RMND5A: variants seen among roughly 807,000 people sequenced by gnomAD.
RMND5A encodes the protein E3 ubiquitin-protein transferase RMND5A.
In RMND5A, 17 loss-of-function variants were observed where a neutral mutation model predicts 49.7. That is an observed-to-expected ratio of 0.34 (90% CI 0.23 to 0.51). RMND5A has a LOEUF of 0.51. RMND5A is among the 20% of genes least tolerant of loss of function. The pLI is 0.96. For missense variants in RMND5A, 255 were observed against 471.3 expected (o/e 0.54, Z 4.25); for synonymous variants, 156 against 167.7 (o/e 0.93, Z 0.54).
Position 86,765,108 on chromosome 2 carries a change from C to T in RMND5A, c.603C>T (p.Ser201=), listed in dbSNP as rs768155812. The change falls in exon 5 of 9, where the codon AGC becomes AGT. Residue 201 remains serine, a synonymous_variant. Coordinates refer to ENST00000283632, the MANE Select transcript of RMND5A (RefSeq NM_022780.4). ...EFKLHRLYFI[S]LLMGGTTNQR... Reference sequence around the variant, plus strand: ...AGCTACACAGACTGTATTTTATTAGCTTGTTAATGGGTGGAACCACAAATC... The same window carrying T: ...AGCTACACAGACTGTATTTTATTAGTTTGTTAATGGGTGGAACCACAAATC... The T allele has an allele frequency of 5.0e-6, 8 of 1,613,954 alleles. No individual in the cohort carries two copies. In the East Asian group the frequency reaches 1.6e-4, roughly 31 times the overall value.
At chr2:86,753,068 G>A (rs1356711239) in intron 3 of RMND5A, among the ~76,000 whole-genome samples, 1 of 152,172 alleles carries the variant, frequency 6.6e-6, no homozygotes, top group Admixed American at 6.5e-5. Flanking sequence ...GCTCTGCATT[G>A]TGAAACTCTT....
intron 8 of RMND5A, 110 bp downstream of exon 8, chr2:86,771,822 A>G: frequency 1.1e-6 from 1 of 873,444 alleles, no homozygotes; most frequent in Non-Finnish European, 1.7e-6. Flanking sequence ...TTAGAACTAA[A>G]TAAATTTCTT....
rs1672742474 is a variant in RMND5A, at chr2:86,774,984, G to C, written c.*1573G>C. 1 of 152,672 alleles carries C rather than the reference G, an allele frequency of 6.5e-6. No individual in the cohort carries two copies. Among genetic ancestry groups the C allele is most frequent in the African/African-American group, 2.4e-5 (1 of 41,454 alleles). The allele number at this position is 152,672 out of a possible 1,614,324, so 9.5% of individuals were successfully genotyped here. Reference sequence around the variant, plus strand: ...AGAAAGAGTACTGTGGAAAACCTCTGCTTGAGTACCATGTGGCCAGGCCTA... The same window carrying C: ...AGAAAGAGTACTGTGGAAAACCTCTCCTTGAGTACCATGTGGCCAGGCCTA... On this transcript the variant is annotated 3_prime_UTR_variant, in exon 9 of 9. Coordinates refer to ENST00000283632, the MANE Select transcript of RMND5A (RefSeq NM_022780.4).
chr2:86,760,050 T>C (rs1293333923), intron 4 of RMND5A, among the ~76,000 whole-genome samples: 2 of 152,020 alleles, frequency 1.3e-5, no homozygotes, highest in South Asian at 4.2e-4. Flanking sequence ...CTGTTTGTAT[T>C]CTTTTTTTTT....
intron 4 of RMND5A, among the ~76,000 whole-genome samples, chr2:86,761,250 A>G (rs1672483484): frequency 6.6e-6 from 1 of 152,214 alleles, no homozygotes; most frequent in Admixed American, 6.5e-5. Flanking sequence ...CACAGAAGGC[A>G]ACTCTTGATA....
intron 2 of RMND5A, 55 bp from the exon 3 acceptor site, chr2:86,751,841 T>TAC: frequency 6.4e-7 from 1 of 1,556,870 alleles, no homozygotes; most frequent in Non-Finnish European, 8.8e-7. Context: ...TTTTTTCCTG[T>TAC]TAAGTGGGGT....
At chr2:86,770,303 C>G (rs1368977877) in intron 7 of RMND5A, among the ~76,000 whole-genome samples, 178 bp downstream of exon 7, 3 of 151,986 alleles carry the variant, frequency 2.0e-5, no homozygotes, top group African/African-American at 7.3e-5. Context: ...TTTGGGGACC[C>G]TGGAGGAGGA....
chr2:86,753,558 A>C lies in RMND5A; in HGVS notation c.521A>C (p.Glu174Ala). The C allele has an allele frequency of 6.5e-7, 1 of 1,535,630 alleles. No individual in the cohort carries two copies. Among genetic ancestry groups the C allele is most frequent in the Non-Finnish European group, 9.0e-7 (1 of 1,115,136 alleles). Residue 174 changes from glutamate (E) to alanine (A), a missense_variant and splice_region_variant, in exon 4 of 9, where the codon GAG becomes GCG. Around this residue, in one of 3 missense-constraint regions of RMND5A, gnomAD observed 208 missense variants for 339.8 expected, o/e 0.61. Coordinates refer to ENST00000283632, the MANE Select transcript of RMND5A (RefSeq NM_022780.4). ...LKVRVLRPAL[E>A]WAVSNREMLI... ...GTCAGAGTTCTGAGACCTGCTCTGG[A>C]GTGAGTATTGAGTTTGCTTTCTTTT...
intron 7 of RMND5A, 176 bp from the exon 8 acceptor site, chr2:86,771,381 TA>T: frequency 2.0e-6 from 1 of 500,214 alleles, no homozygotes; most frequent in Non-Finnish European, 3.4e-6. Context: ...TCTTGAAGGC[TA>T]ATTTAACACT....
chr2:86,760,061 T>C (rs1049253248), intron 4 of RMND5A, among the ~76,000 whole-genome samples: 3 of 152,046 alleles, frequency 2.0e-5, no homozygotes. Flanking sequence ...CTTTTTTTTT[T>C]GAGACGGAGT....
Position 86,771,489 on chromosome 2 carries a change from A to G in RMND5A, c.958-69A>G, listed in dbSNP as rs115109026. 1,028 of 1,399,754 alleles carry G rather than the reference A, an allele frequency of 7.3e-4. 13 individuals carry two copies. In the African/African-American group the frequency reaches 0.014, roughly 19 times the overall value. 86.7% of individuals were successfully genotyped at this position (1,399,754 alleles called of 1,614,324 possible). A position where few individuals can be genotyped will look rare whatever the true frequency, so the allele number is the denominator to read the frequency against. ...ATCAATGTTCTTTGCTGCACAGTGT[A>G]TATTACCATGTGGATGGTTTTGTGA... On this transcript the variant is annotated intron_variant, in intron 7 of 8. Transcript: ENST00000283632.
chr2:86,753,384 A>G, intron 3 of RMND5A, 74 bp from the exon 4 acceptor site: 1 of 848,386 alleles, frequency 1.2e-6, no homozygotes, highest in Middle Eastern at 2.3e-4. Context: ...TTTACAATCT[A>G]GAATATACTT....
intron 2 of RMND5A, among the ~76,000 whole-genome samples, chr2:86,745,035 T>C (rs1681514619): frequency 6.6e-6 from 1 of 151,832 alleles, no homozygotes; most frequent in Non-Finnish European, 1.5e-5. Flanking sequence ...AAAAATAATG[T>C]ATTTGGGCTG....
chr2:86,776,757 T>G lies in RMND5A; in HGVS notation c.*3346T>G, dbSNP rs968131485. The G allele has an allele frequency of 6.6e-6, 1 of 152,236 alleles. No individual in the cohort carries two copies. Among genetic ancestry groups the G allele is most frequent in the African/African-American group, 2.4e-5 (1 of 41,466 alleles). The allele number at this position is 152,236 out of a possible 1,614,324, so 9.4% of individuals were successfully genotyped here. Reference sequence around the variant, plus strand: ...ACTCAGGTTATTTTCAGGGAAGGCATGGAGGCATAGTTTGGTTAGTTTCAT... The same window carrying G: ...ACTCAGGTTATTTTCAGGGAAGGCAGGGAGGCATAGTTTGGTTAGTTTCAT... On this transcript the variant is annotated 3_prime_UTR_variant, in exon 9 of 9. Coordinates refer to ENST00000283632, the MANE Select transcript of RMND5A (RefSeq NM_022780.4).
At chr2:86,762,701 ATATATATC>A (rs1672522140) in intron 4 of RMND5A, among the ~76,000 whole-genome samples, 2 of 5,486 alleles carry the variant, frequency 3.6e-4, no homozygotes, top group South Asian at 4.3e-3. Context: ...CATATATATC[ATATATATC>A]ATATATATCA....
chr2:86,747,009 C>T (rs1681547948), intron 2 of RMND5A, among the ~76,000 whole-genome samples: 2 of 152,174 alleles, frequency 1.3e-5, no homozygotes. Context: ...GTTTGTAAAG[C>T]ACTGCTATCT....
rs141850882 is a variant in RMND5A at position 86,759,761 on chromosome 2, C to T, written c.522-5266C>T. 5.9e-3 allele frequency among the ~76,000 whole-genome samples: 895 copies of T among 151,904 alleles called. 14 individuals are homozygous for T. Among genetic ancestry groups the T allele is most frequent in the African/African-American group, 0.02 (829 of 41,382 alleles). On this transcript the variant is annotated intron_variant, in intron 4 of 8. Transcript: ENST00000283632. ...GTTGCAGTGAGCCGAGATCACGCCA[C>T]TGTACTCCAGCCTGGGCAACAGAAT...
chr2:86,750,268 G>A (rs1681610626), intron 2 of RMND5A, among the ~76,000 whole-genome samples: 1 of 152,160 alleles, frequency 6.6e-6, no homozygotes, highest in Non-Finnish European at 1.5e-5. Context: ...TCTGTCTGAA[G>A]ACTTTAGCAA....
intron 4 of RMND5A, among the ~76,000 whole-genome samples, chr2:86,755,929 G>A (rs967051686): frequency 4.6e-5 from 7 of 151,982 alleles, no homozygotes; most frequent in African/African-American, 1.2e-4. Flanking sequence ...AGCATTTTAC[G>A]TGTCTTAACC....
Sources: gnomAD v4.1 joint callset for allele counts (sites outside exome capture counted in the v4.1 genomes callset) on GRCh38, gnomAD v4.1.1 for gene constraint, gnomAD v4.1.1 regional missense constraint, MANE v1.5 for transcripts, NCBI Gene and HGNC (gene_info 2026-07-23, HGNC 2026-07-21) for gene names.